Variants in ZC3H12B observed in about 807,000 individuals in gnomAD.
ZC3H12B encodes the protein zinc finger CCCH-type containing 12B, also known as probable ribonuclease ZC3H12B.
A neutral mutation model predicts 43.9 loss-of-function variants in ZC3H12B; 7 were observed. The observed-to-expected ratio is 0.16, with a 90% CI of 0.09 to 0.30. ZC3H12B has a LOEUF of 0.30. ZC3H12B is among the 10% of genes least tolerant of loss of function. ZC3H12B has a pLI of 1.00. For missense variants in ZC3H12B, 475 were observed against 670.2 expected, an observed-to-expected ratio of 0.71 and a Z score of 3.22; for synonymous variants, 222 against 241.7, an observed-to-expected ratio of 0.92 and a Z score of 0.76.
At chrX:65,421,015 G>T (rs1259192889) in intron 3 of ZC3H12B, among the ~76,000 whole-genome samples, 1 of 112,141 alleles carries the variant, frequency 8.9e-6, no homozygotes, top group Non-Finnish European at 1.9e-5. Flanking sequence ...TATCTTAGGG[G>T]TATATCAACT....
chrX:65,252,731 C>G, the ZC3H12B span, among the ~76,000 whole-genome samples: 1 of 111,682 alleles, frequency 9.0e-6, no homozygotes, highest in Non-Finnish European at 1.9e-5. Flanking sequence ...TGGTCGCTGT[C>G]TTCTCATTAT....
At chrX:65,283,088 A>T in the ZC3H12B span, among the ~76,000 whole-genome samples, 1 of 111,721 alleles carries the variant, frequency 9.0e-6, no homozygotes, top group African/African-American at 3.3e-5. Context: ...AATTCTCGCA[A>T]ACCGAATCCA....
chrX:65,414,933 G>A (rs376872325), intron 3 of ZC3H12B, among the ~76,000 whole-genome samples: 11 of 112,289 alleles, frequency 9.8e-5, no homozygotes, highest in African/African-American at 3.2e-4. Context: ...CCAAATATGA[G>A]TGAACAATGG....
chrX:65,472,820 C>A (rs1234574151), intron 3 of ZC3H12B, among the ~76,000 whole-genome samples: 8 of 38,327 alleles, frequency 2.1e-4, no homozygotes, highest in African/African-American at 1.9e-3. Flanking sequence ...GATTACCATA[C>A]CTTTGATATA....
chrX:65,168,055 A>G, the ZC3H12B span, among the ~76,000 whole-genome samples: 5 of 112,009 alleles, frequency 4.5e-5, no homozygotes, highest in Non-Finnish European at 9.4e-5. Flanking sequence ...TTCCCTGGCC[A>G]GAACTTCCAA....
chrX:65,091,654 T>A, the ZC3H12B span, among the ~76,000 whole-genome samples: 1 of 111,713 alleles, frequency 9.0e-6, no homozygotes, highest in Non-Finnish European at 1.9e-5. Flanking sequence ...ATGTGAATAT[T>A]ATTAACCTCA....
chrX:65,170,887 G>A, the ZC3H12B span, among the ~76,000 whole-genome samples: 2 of 111,742 alleles, frequency 1.8e-5, no homozygotes, highest in African/African-American at 6.5e-5. Context: ...AGCTCCATCA[G>A]GTCATTTAAG....
At chrX:65,415,255 G>C (rs1035648775) in intron 3 of ZC3H12B, among the ~76,000 whole-genome samples, 2 of 112,426 alleles carry the variant, frequency 1.8e-5, no homozygotes, top group East Asian at 5.6e-4. Flanking sequence ...AGGCTCCAGG[G>C]AGCAGGCTTC....
chrX:65,439,191 A>G (rs1336603939), intron 3 of ZC3H12B, among the ~76,000 whole-genome samples: 1 of 111,944 alleles, frequency 8.9e-6, no homozygotes, highest in Admixed American at 9.5e-5. Flanking sequence ...TGTGCCTGGG[A>G]TGCTTTAAAT....
the ZC3H12B span, among the ~76,000 whole-genome samples, chrX:65,108,680 T>TA: frequency 5.4e-5 from 6 of 110,705 alleles, no homozygotes; most frequent in South Asian, 2.3e-3. Context: ...ACTCTAACAA[T>TA]AAAAAGTATA....
chrX:65,447,227 C>A (rs2067389719), intron 3 of ZC3H12B, among the ~76,000 whole-genome samples: 1 of 111,470 alleles, frequency 9.0e-6, no homozygotes, highest in Non-Finnish European at 1.9e-5. Flanking sequence ...TTTTCTTTTT[C>A]CTTTTTATCT....
the ZC3H12B span, among the ~76,000 whole-genome samples, chrX:65,247,067 C>T: frequency 9.0e-6 from 1 of 111,010 alleles, no homozygotes; most frequent in African/African-American, 3.4e-5. Context: ...TAACAAACAA[C>T]CCCGTTATAA....
At chrX:65,084,302 C>G in the ZC3H12B span, among the ~76,000 whole-genome samples, 3 of 111,094 alleles carry the variant, frequency 2.7e-5, no homozygotes, top group Non-Finnish European at 5.7e-5. Context: ...AGGATACAAC[C>G]AACAAAGTGA....
At chrX:65,327,002 G>A in the ZC3H12B span, among the ~76,000 whole-genome samples, 1 of 111,108 alleles carries the variant, frequency 9.0e-6, no homozygotes, top group Non-Finnish European at 1.9e-5. Context: ...GAGAGAAAAG[G>A]GAAACCTTGT....
the ZC3H12B span, among the ~76,000 whole-genome samples, chrX:65,268,926 A>T: frequency 8.9e-6 from 1 of 112,611 alleles, no homozygotes; most frequent in Admixed American, 9.4e-5. Context: ...AATTAGAAAG[A>T]AATGAAAGTA....
At chrX:65,283,145 C>T in the ZC3H12B span, among the ~76,000 whole-genome samples, 2 of 111,105 alleles carry the variant, frequency 1.8e-5, no homozygotes, top group Non-Finnish European at 3.8e-5. Flanking sequence ...TGGCTTCATC[C>T]CTGGGATGCG....
chrX:65,188,590 T>C, the ZC3H12B span, among the ~76,000 whole-genome samples: 1 of 110,926 alleles, frequency 9.0e-6, no homozygotes, highest in African/African-American at 3.3e-5. Flanking sequence ...CCTTTTCATA[T>C]GCCTGTTTGC....
the ZC3H12B span, among the ~76,000 whole-genome samples, chrX:65,115,343 A>C: frequency 9.0e-6 from 1 of 111,032 alleles, no homozygotes; most frequent in Non-Finnish European, 1.9e-5. Context: ...TTAAAATAAT[A>C]GTCTGCACTT....
the ZC3H12B span, among the ~76,000 whole-genome samples, chrX:65,122,089 AGTGTG>A: frequency 9.0e-6 from 1 of 111,046 alleles, no homozygotes; most frequent in Non-Finnish European, 1.9e-5. Flanking sequence ...TTTTGGAATA[AGTGTG>A]GTGTGGTGCT....
Sources: allele counts gnomAD v4.1 joint callset (sites outside exome capture counted in the v4.1 genomes callset), GRCh38; gene constraint gnomAD v4.1.1; transcripts MANE v1.5; gene names NCBI Gene and HGNC (gene_info 2026-07-23, HGNC 2026-07-21).